The following SOX5 variants were observed in gnomAD, a reference collection of about 807,000 sequenced individuals.
SOX5 encodes the protein transcription factor SOX-5.
A neutral mutation model predicts 92.0 loss-of-function variants in SOX5; 9 were observed. The observed-to-expected ratio is 0.10, with a 90% confidence interval of 0.06 to 0.17. SOX5 has a LOEUF of 0.17. Among genes scored for constraint, SOX5 ranks in the 10% least tolerant of loss-of-function variants. The probability of loss-of-function intolerance (pLI) is 1.00; values close to 1 mark genes in which losing one functional copy is unlikely to be tolerated. For synonymous variants in SOX5, 344 were observed against 336.3 expected, an observed-to-expected ratio of 1.02 and a Z score of -0.25; for missense variants, 642 against 944.5, an observed-to-expected ratio of 0.68 and a Z score of 4.20.
At chr12:24,344,749 C>T (rs1392180685) in intron 2 of SOX5, among the ~76,000 whole-genome samples, 1 of 152,034 alleles carries the variant, frequency 6.6e-6, no homozygotes, top group Non-Finnish European at 1.5e-5. Flanking sequence ...TGACAAAGGT[C>T]AAAAAAGCTT....
chr12:24,169,442 C>T (rs1953809376), intron 4 of SOX5, among the ~76,000 whole-genome samples: 1 of 152,170 alleles, frequency 6.6e-6, no homozygotes, highest in Non-Finnish European at 1.5e-5. Flanking sequence ...AATTCTCACT[C>T]CAAATCAGTT....
At chr12:24,283,518 C>T (rs1160979319) in intron 2 of SOX5, among the ~76,000 whole-genome samples, 1 of 152,166 alleles carries the variant, frequency 6.6e-6, no homozygotes, top group African/African-American at 2.4e-5. Context: ...CACAACCATA[C>T]CTGGTAGTCC....
chr12:24,541,621 T>C (rs1482504257), intron 1 of SOX5, among the ~76,000 whole-genome samples: 5 of 152,250 alleles, frequency 3.3e-5, no homozygotes, highest in Non-Finnish European at 4.4e-5. Flanking sequence ...GGATGTTTCA[T>C]GGTTAATTTT....
At chr12:23,768,416 T>C (rs997633356) in intron 3 of SOX5, among the ~76,000 whole-genome samples, 3 of 152,190 alleles carry the variant, frequency 2.0e-5, no homozygotes, top group Non-Finnish European at 4.4e-5. Context: ...CAACAGGGTC[T>C]CTTTTACAGA....
chr12:23,845,205 T>C (rs2096561511), intron 3 of SOX5, among the ~76,000 whole-genome samples: 1 of 152,228 alleles, frequency 6.6e-6, no homozygotes, highest in African/African-American at 2.4e-5. Context: ...TGTTTTAAAT[T>C]TCCATCTGAT....
At chr12:24,136,452 T>C (rs1428252890) in intron 4 of SOX5, among the ~76,000 whole-genome samples, 1 of 152,260 alleles carries the variant, frequency 6.6e-6, no homozygotes. Flanking sequence ...TATCACTTTG[T>C]CATTACTAGC....
chr12:23,700,314 G>T, intron 6 of SOX5, among the ~76,000 whole-genome samples: 1 of 152,086 alleles, frequency 6.6e-6, no homozygotes, highest in South Asian at 2.1e-4. Context: ...GTTGCTGTAA[G>T]AATTTGACTG....
At chr12:24,536,862 A>G (rs1951685178) in intron 1 of SOX5, among the ~76,000 whole-genome samples, 2 of 152,152 alleles carry the variant, frequency 1.3e-5, no homozygotes, top group South Asian at 2.1e-4. Flanking sequence ...CTATCCACCT[A>G]TATTAGGGAA....
At chr12:23,841,058 T>G (rs1050306910) in intron 3 of SOX5, among the ~76,000 whole-genome samples, 2 of 152,102 alleles carry the variant, frequency 1.3e-5, no homozygotes, top group Admixed American at 6.5e-5. Flanking sequence ...AGCTGCAGAC[T>G]GGTAGAAATA....
At chr12:23,685,986 A>G (rs1395550234) in intron 6 of SOX5, among the ~76,000 whole-genome samples, 1 of 152,186 alleles carries the variant, frequency 6.6e-6, no homozygotes, top group Non-Finnish European at 1.5e-5. Flanking sequence ...AATAAAACAC[A>G]ACAATCTTCC....
rs553392478 is a variant in SOX5 at position 24,111,057 on chromosome 12, T to C, written c.-2+102286A>G. Among the ~76,000 whole-genome samples the C allele has an allele frequency of 2.6e-5, 4 of 152,146 alleles. No individual in the cohort carries two copies. In the South Asian group the frequency reaches 8.3e-4, roughly 32 times the overall value. ...TACTGTGGGAGACTGTGATATGCAT[T>C]GTAGGGGGTATAGCAGCATCTCTGG... is the stretch of plus-strand genomic sequence containing the variant. On this transcript the variant is annotated intron_variant, in intron 4 of 4. Transcript: ENST00000446891.
chr12:24,392,742 G>A (rs1427431176), intron 1 of SOX5, among the ~76,000 whole-genome samples: 3 of 151,942 alleles, frequency 2.0e-5, no homozygotes, highest in Non-Finnish European at 4.4e-5. Flanking sequence ...TATATTACTG[G>A]CATTTATATT....
intron 4 of SOX5, among the ~76,000 whole-genome samples, chr12:24,124,570 AAAAAAGAAAAAAAG>A (rs1283233629): frequency 7.3e-6 from 1 of 136,536 alleles, no homozygotes; most frequent in Non-Finnish European, 1.7e-5. Flanking sequence ...GACAAAAAAA[AAAAAAGAAAAAAAG>A]AAAAAGAAAA....
chr12:24,266,034 A>G (rs969100128), intron 3 of SOX5, among the ~76,000 whole-genome samples: 1 of 127,622 alleles, frequency 7.8e-6, no homozygotes, highest in East Asian at 2.6e-4. Context: ...ATGCCAGCTA[A>G]TGTGTGTGTG....
intron 2 of SOX5, among the ~76,000 whole-genome samples, chr12:23,866,483 C>T (rs1420126238): frequency 6.6e-6 from 1 of 152,180 alleles, no homozygotes; most frequent in African/African-American, 2.4e-5. Flanking sequence ...TCCAGGTCAT[C>T]TTTAAAACTT....
At chr12:24,339,883 T>A (rs529038878) in intron 2 of SOX5, among the ~76,000 whole-genome samples, 2 of 152,182 alleles carry the variant, frequency 1.3e-5, no homozygotes, top group Non-Finnish European at 2.9e-5. Context: ...AAGAGGAAAT[T>A]CCCTCAGCTG....
chr12:24,444,735 G>T (rs990751912), intron 1 of SOX5, among the ~76,000 whole-genome samples: 1 of 152,162 alleles, frequency 6.6e-6, no homozygotes, highest in Non-Finnish European at 1.5e-5. Context: ...AAATGGGGAG[G>T]TATATAGACA....
intron 4 of SOX5, among the ~76,000 whole-genome samples, chr12:24,034,027 C>T (rs890274938): frequency 6.6e-6 from 1 of 151,978 alleles, no homozygotes; most frequent in African/African-American, 2.4e-5. Flanking sequence ...AGTCTATAAT[C>T]AAAGACACCA....
At chr12:23,968,120 T>C (rs1947803133) in intron 4 of SOX5, among the ~76,000 whole-genome samples, 1 of 152,228 alleles carries the variant, frequency 6.6e-6, no homozygotes, top group Non-Finnish European at 1.5e-5. Flanking sequence ...ATGCGGACTC[T>C]ACTAGTGTTC....
Sources: allele counts gnomAD v4.1 joint callset (sites outside exome capture counted in the v4.1 genomes callset), GRCh38; gene constraint gnomAD v4.1.1; transcripts MANE v1.5; gene names NCBI Gene and HGNC (gene_info 2026-07-23, HGNC 2026-07-21).